Variants in GRK2 observed in about 807,000 individuals in gnomAD.
GRK2 encodes the protein G protein-coupled receptor kinase 2, also known as adrenergic beta receptor kinase 1.
Under a neutral mutation model 97.8 loss-of-function variants are expected in GRK2, and 23 were observed. The ratio of observed to expected loss-of-function variants is 0.24; its 90% CI spans 0.17 to 0.33. The LOEUF (loss-of-function observed/expected upper bound fraction) is 0.33. GRK2 is among the 10% of genes least tolerant of loss of function. The pLI is 1.00. For missense variants in GRK2, 633 were observed against 956.9 expected (o/e 0.66, Z 4.47); for synonymous variants, 425 against 381.7 (o/e 1.11, Z -1.32).
rs774712563 is a variant in GRK2, at chr11:67,281,776, G to C, written c.827-46G>C. ...GGTGGGCCGGGCCCAGGCACGGGAG[G>C]CTGGGGCAAGACACTGAGTGCTGCC... On this transcript the variant is annotated intron_variant, in intron 10 of 20. Transcript: ENST00000308595. This position sits in a 1 kb window ranked among gnomAD's most constrained non-coding sequence, Gnocchi z 5.7. The C allele has an allele frequency of 1.5e-5, 24 of 1,613,528 alleles. No individual in the cohort carries two copies. The highest frequency in any genetic ancestry group is 2.7e-5 in the African/African-American group (2 of 74,914).
rs760455508 is a variant in GRK2, at chr11:67,285,255, C to T, written c.1906-31C>T. On this transcript the variant is annotated intron_variant, in intron 20 of 20. Coordinates refer to ENST00000308595, the MANE Select transcript of GRK2 (RefSeq NM_001619.5). ...AGGCCAGGCAGGCTGGGGAGAGCCC[C>T]AGCTGACAGAGCTGGGCTTGGCATG... is the stretch of plus-strand genomic sequence containing the variant. The T allele has an allele frequency of 2.5e-6, 4 of 1,609,712 alleles. No homozygotes were observed. The Admixed American group carries it at 6.7e-5, about 27-fold the overall frequency.
chr11:67,284,009 C>T, intron 17 of GRK2, 60 bp downstream of exon 17: 1 of 1,479,704 alleles, frequency 6.8e-7, no homozygotes, highest in Middle Eastern at 1.7e-4. Flanking sequence ...GGGAAGGATC[C>T]CTCTCCCTTC....
intron 1 of GRK2, among the ~76,000 whole-genome samples, chr11:67,271,939 C>T (rs148003236): frequency 3.9e-5 from 6 of 152,352 alleles, no homozygotes; most frequent in Middle Eastern, 3.4e-3. Context: ...CAGCCACAGG[C>T]CCTGCTGCAC....
Position 67,282,482 on chromosome 11 carries a change from C to T in GRK2, c.1100C>T (p.Ala367Val), listed in dbSNP as rs138698093. 1.8e-4 allele frequency: 287 copies of T among 1,613,502 alleles called. 3 individuals carry two copies. The highest frequency in any genetic ancestry group is 3.9e-5 in the Non-Finnish European group (46 of 1,179,968). ...CCGGAGGTCCTGCAGAAGGGCGTGG[C>T]CTACGACAGCAGTGCCGACTGGTTC... ...MAPEVLQKGVAYDSSADWFSL... is the reference protein window; with the variant it reads ...MAPEVLQKGVVYDSSADWFSL... Residue 367 changes from alanine (A) to valine (V), a missense_variant, in exon 13 of 21, where the codon GCC (alanine) becomes GTC (valine). Ala to Val is a moderately conservative substitution (Grantham distance 64). This residue lies in a region of GRK2 where 192 missense variants were observed against 362.3 expected (regional missense o/e 0.53). Coordinates refer to ENST00000308595, the MANE Select transcript of GRK2 (RefSeq NM_001619.5). The surrounding 1 kb of genome is among the most constrained non-coding windows in gnomAD (Gnocchi z 6.9).
At chr11:67,280,137 TCCAGGGAGCTAGGAGAG>T in intron 6 of GRK2, 1 of 565,008 alleles carries the variant, frequency 1.8e-6, no homozygotes, top group Non-Finnish European at 3.2e-6. Flanking sequence ...GTCTCCTAGC[TCCAGGGAGCTAGGAGAG>T]CTGTGCCACC....
At position 67,281,028 on chromosome 11, in the gene GRK2, G is replaced by A; in HGVS notation, c.556-65G>A. ...GCATGGGGCCAGCCCCTGCTGCCCA[G>A]GTGCCTCTGCCCCAGGGCTGGGCAG... On this transcript the variant is annotated intron_variant, in intron 7 of 20. Coordinates refer to ENST00000308595, the MANE Select transcript of GRK2 (RefSeq NM_001619.5). This position sits in a 1 kb window ranked among gnomAD's most constrained non-coding sequence, Gnocchi z 5.7. 1.4e-6 allele frequency: 2 copies of A among 1,434,002 alleles called. No homozygotes were observed. Among genetic ancestry groups the A allele is most frequent in the South Asian group, 2.5e-5 (2 of 80,522 alleles). 88.8% of individuals were successfully genotyped at this position (1,434,002 alleles called of 1,614,324 possible). A position where few individuals can be genotyped will look rare whatever the true frequency, so the allele number is the denominator to read the frequency against.
intron 7 of GRK2, 130 bp downstream of exon 7, chr11:67,280,913 A>G (rs1387566820): frequency 4.1e-6 from 5 of 1,228,764 alleles, no homozygotes; most frequent in South Asian, 2.4e-5. Context: ...GGCCGTGGCT[A>G]TGGGGGTCAG....
chr11:67,279,157 CT>C, intron 2 of GRK2, 42 bp from the exon 3 acceptor site: 1 of 1,555,550 alleles, frequency 6.4e-7, no homozygotes, highest in South Asian at 1.1e-5. Context: ...GGGAAGGCCT[CT>C]GAGAGAGGCG....
At position 67,266,727 on chromosome 11, in the gene GRK2, G is replaced by T; in HGVS notation, c.28G>T (p.Asp10Tyr). The T allele has an allele frequency of 7.5e-7, 1 of 1,330,490 alleles. No homozygotes were observed. Among genetic ancestry groups the T allele is most frequent in the Non-Finnish European group, 9.7e-7 (1 of 1,028,294 alleles). 82.4% of individuals were successfully genotyped at this position (1,330,490 alleles called of 1,614,324 possible). Residue 10 changes from aspartate to tyrosine, a missense_variant, in exon 1 of 21, where the codon GAC (aspartate) becomes TAC (tyrosine). Asp to Tyr is a radical substitution (Grantham distance 160). This residue lies in a region of GRK2 where 193 missense variants were observed against 212.2 expected (regional missense o/e 0.91). Transcript: ENST00000308595. MADLEAVLA[D>Y]VSYLMAMEKS... ...GGCGGACCTGGAGGCGGTGCTGGCC[G>T]ACGTGAGCTACCTGATGGCCATGGA...
chr11:67,272,554 C>A (rs558293277), intron 1 of GRK2, among the ~76,000 whole-genome samples: 3 of 152,338 alleles, frequency 2.0e-5, no homozygotes, highest in Admixed American at 1.3e-4. Context: ...AGTGCTCCCT[C>A]AGCACCCACT....
intron 14 of GRK2, 57 bp from the exon 15 acceptor site, chr11:67,283,071 G>A: frequency 1.3e-6 from 2 of 1,545,006 alleles, no homozygotes; most frequent in East Asian, 2.3e-5. Flanking sequence ...CCCCTGAGCT[G>A]GGATGGGGTC....
At chr11:67,272,858 A>G (rs1859939587) in intron 1 of GRK2, among the ~76,000 whole-genome samples, 1 of 152,230 alleles carries the variant, frequency 6.6e-6, no homozygotes, top group Non-Finnish European at 1.5e-5. Context: ...AGCCCTGGCC[A>G]CAGGCCCCAT....
Position 67,281,608 on chromosome 11 carries a change from C to T in GRK2, c.748-42C>T. 2 of 1,609,026 alleles carry T rather than the reference C, an allele frequency of 1.2e-6. No homozygotes were observed. The highest frequency in any genetic ancestry group is 1.7e-4 in the Middle Eastern group (1 of 6,054). On this transcript the variant is annotated intron_variant, in intron 9 of 20. Coordinates refer to ENST00000308595, the MANE Select transcript of GRK2 (RefSeq NM_001619.5). This position sits in a 1 kb window ranked among gnomAD's most constrained non-coding sequence, Gnocchi z 5.7. ...GCTGAGGCTCTGGAACCCCGGGCGC[C>T]CCTGCTAACTGCCCGCCCCCTCCCC...
chr11:67,283,043 G>A, intron 14 of GRK2, 85 bp from the exon 15 acceptor site: 7 of 1,389,328 alleles, frequency 5.0e-6, no homozygotes, highest in Non-Finnish European at 7.1e-6. Flanking sequence ...CCCTCTGCGG[G>A]GGCCTGGACC....
Position 67,281,970 on chromosome 11 carries a change from C to A in GRK2, c.957+18C>A. 1.2e-6 allele frequency: 2 copies of A among 1,612,972 alleles called. No individual in the cohort carries two copies. The highest frequency in any genetic ancestry group is 1.7e-6 in the Non-Finnish European group (2 of 1,179,880). ...ACCTGAAGGTGAGCGCCCCTGCTGT[C>A]CCCAGGCTGGACCTCCGTGGCTGTC... On this transcript the variant is annotated intron_variant, in intron 11 of 20. Coordinates refer to ENST00000308595, the MANE Select transcript of GRK2 (RefSeq NM_001619.5). This position sits in a 1 kb window ranked among gnomAD's most constrained non-coding sequence, Gnocchi z 5.7.
chr11:67,273,038 C>T (rs979321238), intron 1 of GRK2, among the ~76,000 whole-genome samples: 2 of 152,248 alleles, frequency 1.3e-5, no homozygotes, highest in African/African-American at 4.8e-5. Flanking sequence ...CGGCGGGCAG[C>T]ATGGCCAGCC....
At chr11:67,268,703 CT>C (rs749274568) in intron 1 of GRK2, among the ~76,000 whole-genome samples, 2 of 152,226 alleles carry the variant, frequency 1.3e-5, no homozygotes, top group Non-Finnish European at 2.9e-5. Flanking sequence ...AGATGGTCTT[CT>C]TTTCCTGTCC....
At position 67,279,825 on chromosome 11, in the gene GRK2, G is replaced by T. The variant is rs779440303; in HGVS notation, c.442-14G>T. The T allele has an allele frequency of 1.9e-6, 3 of 1,613,892 alleles. No homozygotes were observed. The highest frequency in any genetic ancestry group is 2.5e-6 in the Non-Finnish European group (3 of 1,180,008). ...CTCGGGGCTCAGTCACCAACTTCCA[G>T]CTTCCTCCCTTAGCCATACATCGAA... On this transcript the variant is annotated splice_polypyrimidine_tract_variant and intron_variant, in intron 5 of 20. Coordinates refer to ENST00000308595, the MANE Select transcript of GRK2 (RefSeq NM_001619.5).
chr11:67,285,714 T>A lies in GRK2; in HGVS notation c.*264T>A. 2.1e-6 allele frequency: 1 copy of A among 481,782 alleles called. No individual in the cohort carries two copies. The allele number at this position is 481,782 out of a possible 1,614,324, so 29.8% of individuals were successfully genotyped here. A position where few individuals can be genotyped will look rare whatever the true frequency, so the allele number is the denominator to read the frequency against. On this transcript the variant is annotated 3_prime_UTR_variant, in exon 21 of 21. Transcript: ENST00000308595. ...GGGAAGAGCACAGCCCTCCCGCCCCTTCCCCGAGGGATGATGCCACACCAA... is the reference window on the plus strand; with the variant it reads ...GGGAAGAGCACAGCCCTCCCGCCCCATCCCCGAGGGATGATGCCACACCAA...
Sources: gnomAD v4.1 joint callset for allele counts (sites outside exome capture counted in the v4.1 genomes callset) on GRCh38, gnomAD v4.1.1 for gene constraint, gnomAD v4.1.1 regional missense constraint, Gnocchi (gnomAD v3.1) non-coding constraint, MANE v1.5 for transcripts, NCBI Gene and HGNC (gene_info 2026-07-23, HGNC 2026-07-21) for gene names.